Variants in AMOTL1 observed in about 807,000 individuals in gnomAD.
AMOTL1 encodes the protein angiomotin-like protein 1.
In AMOTL1, 45 loss-of-function variants were observed where a neutral mutation model predicts 102.9. The ratio of observed to expected loss-of-function variants is 0.44; its 90% CI spans 0.34 to 0.56. The LOEUF (loss-of-function observed/expected upper bound fraction) is 0.56. AMOTL1 is among the 20% of genes least tolerant of loss of function. The pLI is 0.01. For synonymous variants in AMOTL1, 481 were observed against 484.7 expected (o/e 0.99, Z 0.10); for missense variants, 1,114 against 1,225.6 (o/e 0.91, Z 1.36).
At chr11:94,771,044 G>T (rs1012480197) in intron 1 of AMOTL1, among the ~76,000 whole-genome samples, 1 of 152,112 alleles carries the variant, frequency 6.6e-6, no homozygotes, top group Non-Finnish European at 1.5e-5. Flanking sequence ...TTTCTTCATA[G>T]TAATTTGTGA....
rs11020926 is a variant in AMOTL1, at chr11:94,727,605, G to C, written c.-50-1316G>C. ...GTCTGGGAGGCCTGAAGAGGTCTTT[G>C]CAAGAGGAAATTAAGCCCAGAGAAA... On this transcript the variant is annotated intron_variant, in intron 1 of 4. Coordinates refer to the AMOTL1 transcript ENST00000299004. 3.0e-4 allele frequency among the ~76,000 whole-genome samples: 45 copies of C among 152,280 alleles called. No individual in the cohort carries two copies. The East Asian group carries it at 7.9e-3, about 27-fold the overall frequency.
At chr11:94,841,313 G>A (rs990230387) in intron 6 of AMOTL1, among the ~76,000 whole-genome samples, 11 of 152,044 alleles carry the variant, frequency 7.2e-5, no homozygotes, top group East Asian at 3.9e-4. Context: ...TTAGCTGGGC[G>A]TGGTGGCACG....
At position 94,756,071 on chromosome 11, in the gene AMOTL1, TCAG is replaced by T. The variant is rs751160644; in HGVS notation, c.136+15088_136+15090del. The stretch of plus-strand genomic sequence containing the variant: ...TGACCTTCCGCTGGAGTCAGGCTGC[TCAG>T]CAGCCAGACTCTCCTCTGACTGCCC... On this transcript the variant is annotated intron_variant, in intron 3 of 4. Transcript: ENST00000299004. 9.2e-5 allele frequency among the ~76,000 whole-genome samples: 14 copies of T among 152,214 alleles called. No homozygotes were observed. In the East Asian group the frequency reaches 2.1e-3, roughly 23 times the overall value.
At chr11:94,817,376 A>G (rs1336816958) in intron 3 of AMOTL1, among the ~76,000 whole-genome samples, 1 of 152,156 alleles carries the variant, frequency 6.6e-6, no homozygotes, top group Non-Finnish European at 1.5e-5. Flanking sequence ...TAATCTTTTG[A>G]TATTTGGTCC....
At chr11:94,796,630 G>C (rs1462442667) in intron 2 of AMOTL1, among the ~76,000 whole-genome samples, 1 of 152,202 alleles carries the variant, frequency 6.6e-6, no homozygotes, top group Non-Finnish European at 1.5e-5. Context: ...GGGGGAGCTT[G>C]TTGGTGTAGA....
At chr11:94,848,795 AT>A (rs1952472258) in intron 6 of AMOTL1, among the ~76,000 whole-genome samples, 1 of 152,194 alleles carries the variant, frequency 6.6e-6, no homozygotes, top group African/African-American at 2.4e-5. Context: ...CATGCCCTGT[AT>A]TTAAAACCAC....
At chr11:94,709,910 T>C (rs532883457) in intron 1 of AMOTL1, among the ~76,000 whole-genome samples, 26 of 152,166 alleles carry the variant, frequency 1.7e-4, no homozygotes, top group South Asian at 4.1e-4. Flanking sequence ...AACCAGGTAG[T>C]TCTTTGTCCT....
At chr11:94,741,253 T>A (rs1950522938) in intron 3 of AMOTL1, among the ~76,000 whole-genome samples, 1 of 151,944 alleles carries the variant, frequency 6.6e-6, no homozygotes, top group African/African-American at 2.4e-5. Context: ...TGTGAGTGCG[T>A]GTGTGTGCGT....
At chr11:94,786,189 T>C (rs1951185683) in intron 1 of AMOTL1, among the ~76,000 whole-genome samples, 1 of 152,218 alleles carries the variant, frequency 6.6e-6, no homozygotes, top group Non-Finnish European at 1.5e-5. Flanking sequence ...ATAAAATATA[T>C]ATTATAATGT....
intron 11 of AMOTL1, among the ~76,000 whole-genome samples, chr11:94,868,562 G>A (rs1952928672): frequency 1.3e-5 from 2 of 152,158 alleles, no homozygotes; most frequent in Admixed American, 1.3e-4. Flanking sequence ...GCTTCTGGGA[G>A]GCTACAGTTC....
intron 2 of AMOTL1, among the ~76,000 whole-genome samples, chr11:94,731,792 A>AC (rs981882367): frequency 6.6e-6 from 1 of 152,160 alleles, no homozygotes; most frequent in African/African-American, 2.4e-5. Flanking sequence ...AATCCTAGCC[A>AC]CCATAGGCTT....
intron 3 of AMOTL1, among the ~76,000 whole-genome samples, chr11:94,813,509 C>A (rs1157954764): frequency 6.6e-6 from 1 of 152,214 alleles, no homozygotes; most frequent in Non-Finnish European, 1.5e-5. Context: ...CACCTTGCAA[C>A]CATCCGCAGT....
intron 1 of AMOTL1, among the ~76,000 whole-genome samples, chr11:94,712,648 C>T (rs989981170): frequency 8.6e-5 from 13 of 151,474 alleles, no homozygotes; most frequent in African/African-American, 3.1e-4. Context: ...CACAAATAAC[C>T]CCACTATATT....
intron 7 of AMOTL1, among the ~76,000 whole-genome samples, chr11:94,853,698 G>C (rs900156184): frequency 2.0e-5 from 3 of 152,152 alleles, no homozygotes; most frequent in African/African-American, 7.2e-5. Flanking sequence ...CCAAAAGCAG[G>C]TACCCCAGTA....
At chr11:94,775,906 C>T (rs1483456321) in intron 1 of AMOTL1, among the ~76,000 whole-genome samples, 1 of 152,204 alleles carries the variant, frequency 6.6e-6, no homozygotes, top group East Asian at 1.9e-4. Flanking sequence ...AAAGCTGGGT[C>T]AGCATGGCAA....
At chr11:94,725,160 G>A (rs1950236085) in intron 1 of AMOTL1, among the ~76,000 whole-genome samples, 1 of 152,110 alleles carries the variant, frequency 6.6e-6, no homozygotes, top group Non-Finnish European at 1.5e-5. Flanking sequence ...CCAAGCTTGG[G>A]GAAGGAGGCA....
chr11:94,733,419 A>G (rs1338502082), intron 2 of AMOTL1, among the ~76,000 whole-genome samples: 1 of 152,236 alleles, frequency 6.6e-6, no homozygotes, highest in East Asian at 1.9e-4. Context: ...AGATTAGGAC[A>G]CTTATTAAAG....
At chr11:94,829,924 A>G (rs1288123034) in intron 4 of AMOTL1, 126 bp from the exon 5 acceptor site, 2 of 935,036 alleles carry the variant, frequency 2.1e-6, no homozygotes, top group African/African-American at 3.4e-5. Context: ...TACACATGAA[A>G]CTTGAGATGC....
Position 94,745,986 on chromosome 11 carries a change from G to A in AMOTL1, c.136+4998G>A, listed in dbSNP as rs1486512692. ...GAATGGTTTTCCATCTGAGGTTTTG[G>A]TGATAGTTCCACTACTTTTTTGCCT... On this transcript the variant is annotated intron_variant, in intron 3 of 4. Coordinates refer to the AMOTL1 transcript ENST00000299004. Among the ~76,000 whole-genome samples, 9 of 152,134 alleles carry A rather than the reference G, an allele frequency of 5.9e-5. No individual in the cohort carries two copies. The East Asian group carries it at 1.3e-3, about 23-fold the overall frequency.
Sources: allele counts gnomAD v4.1 joint callset (sites outside exome capture counted in the v4.1 genomes callset), GRCh38; gene constraint gnomAD v4.1.1; transcripts MANE v1.5; gene names NCBI Gene and HGNC (gene_info 2026-07-23, HGNC 2026-07-21).